The following SPAG16 variants were observed in gnomAD, a reference collection of about 807,000 sequenced individuals.
SPAG16 encodes the protein sperm associated antigen 16, also known as sperm-associated antigen 16 protein.
SPAG16 carries 86 observed loss-of-function variants against 80.4 expected under a neutral mutation model. The observed-to-expected ratio is 1.07, with a 90% CI of 0.90 to 1.28. SPAG16 has a LOEUF of 1.28. Among genes scored for constraint, SPAG16 ranks in the 50% most tolerant of loss-of-function variants. SPAG16 has a pLI of 0.00. For missense variants in SPAG16, 870 were observed against 765.3 expected, an observed-to-expected ratio of 1.14 and a Z score of -1.61; for synonymous variants, 294 against 265.9, an observed-to-expected ratio of 1.11 and a Z score of -1.03.
intron 10 of SPAG16, among the ~76,000 whole-genome samples, chr2:213,555,876 AAAT>A (rs1226831346): frequency 2.6e-5 from 4 of 152,196 alleles, no homozygotes; most frequent in Non-Finnish European, 5.9e-5. Context: ...AAAACTATTA[AAAT>A]AATAATAGCT....
chr2:214,307,301 GTCTA>G (rs200467212), intron 15 of SPAG16, among the ~76,000 whole-genome samples: 1,619 of 151,996 alleles, frequency 0.011, 24 homozygotes, highest in African/African-American at 0.036. Context: ...CTAGCTAGCA[GTCTA>G]TCTATCTATT....
intron 15 of SPAG16, among the ~76,000 whole-genome samples, chr2:214,328,098 A>ACTT (rs1696623150): frequency 6.6e-6 from 1 of 151,952 alleles, no homozygotes; most frequent in African/African-American, 2.4e-5. Flanking sequence ...TTCATTCTGA[A>ACTT]CTTATATTGT....
intron 10 of SPAG16, among the ~76,000 whole-genome samples, chr2:213,573,718 G>A (rs1286000369): frequency 6.6e-6 from 1 of 152,046 alleles, no homozygotes; most frequent in East Asian, 1.9e-4. Context: ...TTGGAGTTTG[G>A]AATTATCTTA....
intron 15 of SPAG16, among the ~76,000 whole-genome samples, chr2:214,356,956 T>C (rs186383848): frequency 8.5e-5 from 13 of 152,078 alleles, no homozygotes; most frequent in African/African-American, 2.6e-4. Flanking sequence ...ATCTCAGTGT[T>C]TGTCTCTAAT....
intron 15 of SPAG16, among the ~76,000 whole-genome samples, chr2:214,250,755 T>TAGAGAGAGAG (rs1192976006): frequency 5.5e-4 from 53 of 96,684 alleles, no homozygotes; most frequent in East Asian, 4.0e-3. Context: ...TATATATATA[T>TAGAGAGAGAG]ATAGAGAGAG....
chr2:213,895,300 C>T (rs1315324408), intron 11 of SPAG16, among the ~76,000 whole-genome samples: 2 of 152,094 alleles, frequency 1.3e-5, no homozygotes, highest in Admixed American at 1.3e-4. Context: ...ATATTTCATG[C>T]TCACGGATTG....
At chr2:213,801,875 A>C (rs1164802203) in intron 10 of SPAG16, among the ~76,000 whole-genome samples, 1 of 152,214 alleles carries the variant, frequency 6.6e-6, no homozygotes, top group Non-Finnish European at 1.5e-5. Flanking sequence ...GAATTAGTTT[A>C]TTTGATAAGT....
At chr2:213,795,739 C>G (rs1018878712) in intron 10 of SPAG16, among the ~76,000 whole-genome samples, 1 of 152,140 alleles carries the variant, frequency 6.6e-6, no homozygotes, top group Non-Finnish European at 1.5e-5. Context: ...CTCACGAGAT[C>G]TGGTTGTTTA....
intron 9 of SPAG16, among the ~76,000 whole-genome samples, chr2:213,403,844 G>A (rs2068463187): frequency 6.6e-6 from 1 of 152,162 alleles, no homozygotes; most frequent in Admixed American, 6.5e-5. Context: ...AAGCTGATAA[G>A]CAACTTCAGC....
chr2:213,330,199 A>G (rs2124852195), intron 5 of SPAG16, among the ~76,000 whole-genome samples: 1 of 152,344 alleles, frequency 6.6e-6, no homozygotes, highest in South Asian at 2.1e-4. Flanking sequence ...TGGAGCTGTG[A>G]GAAGAGGGCC....
intron 9 of SPAG16, among the ~76,000 whole-genome samples, chr2:213,457,543 A>G (rs1170771276): frequency 6.6e-6 from 1 of 152,180 alleles, no homozygotes; most frequent in Non-Finnish European, 1.5e-5. Flanking sequence ...TTGAATTGTT[A>G]TATCTACCCT....
chr2:213,998,513 C>T (rs2046635260), intron 12 of SPAG16, among the ~76,000 whole-genome samples: 2 of 152,114 alleles, frequency 1.3e-5, no homozygotes, highest in Admixed American at 6.6e-5. Flanking sequence ...TCCAATAAAC[C>T]TTTTTTTCTT....
rs2067728622 is a variant in SPAG16, at chr2:213,391,130, T to C, written c.942+16011T>C. ...TAAAAATACAAAAATTAGCTGGGCA[T>C]GGTGGCACGTGCCTGTAATTCCAGC... On this transcript the variant is annotated intron_variant, in intron 9 of 15. Transcript: ENST00000331683. Among the ~76,000 whole-genome samples the C allele has an allele frequency of 2.6e-5, 4 of 152,184 alleles. No individual in the cohort carries two copies. In the South Asian group the frequency reaches 8.3e-4, roughly 32 times the overall value.
intron 10 of SPAG16, among the ~76,000 whole-genome samples, chr2:213,760,042 GA>G (rs576176598): frequency 1.0e-4 from 15 of 144,450 alleles, no homozygotes; most frequent in South Asian, 4.4e-4. Context: ...CTCAAAAAAA[GA>G]AAAAAAAAAG....
At chr2:213,960,933 A>G (rs76127681) in intron 12 of SPAG16, among the ~76,000 whole-genome samples, 7,288 of 152,178 alleles carry the variant, frequency 0.048, 254 homozygotes, top group Middle Eastern at 0.12. Context: ...CAGAGCACAA[A>G]TCTCTGGTAT....
chr2:213,443,505 A>T (rs1394977847), intron 9 of SPAG16, among the ~76,000 whole-genome samples: 5 of 152,206 alleles, frequency 3.3e-5, no homozygotes, highest in Non-Finnish European at 7.3e-5. Context: ...GGGCTGAATA[A>T]TATTCCATTG....
intron 10 of SPAG16, among the ~76,000 whole-genome samples, chr2:213,672,730 G>T (rs1247951787): frequency 6.6e-6 from 1 of 151,626 alleles, no homozygotes; most frequent in African/African-American, 2.4e-5. Context: ...TCATCTTAAT[G>T]CTTTGAAAAT....
intron 15 of SPAG16, among the ~76,000 whole-genome samples, chr2:214,371,254 C>T (rs1381224532): frequency 1.3e-5 from 2 of 152,008 alleles, no homozygotes; most frequent in Non-Finnish European, 2.9e-5. Context: ...ATATGTTGGC[C>T]GGGCGCAGTG....
At chr2:213,411,813 C>T (rs1200976116) in intron 9 of SPAG16, among the ~76,000 whole-genome samples, 8 of 151,818 alleles carry the variant, frequency 5.3e-5, no homozygotes, top group Admixed American at 5.2e-4. Context: ...ACGGCACTTA[C>T]TAAAACCTCC....
Sources: allele counts gnomAD v4.1 joint callset (sites outside exome capture counted in the v4.1 genomes callset), GRCh38; gene constraint gnomAD v4.1.1; transcripts MANE v1.5; gene names NCBI Gene and HGNC (gene_info 2026-07-23, HGNC 2026-07-21).